SV2C: variants seen among roughly 807,000 people sequenced by gnomAD.
SV2C encodes solute carrier family 22 member B3.
In SV2C, 49 loss-of-function variants were observed where a neutral mutation model predicts 79.7. The observed-to-expected ratio is 0.61, with a 90% CI of 0.49 to 0.78. The LOEUF (loss-of-function observed/expected upper bound fraction) is 0.78, where lower values mean the gene tolerates loss of function less well. Ranked by LOEUF, SV2C falls within the 30% of genes least tolerant of loss-of-function variation. The pLI, the probability that SV2C is intolerant of heterozygous loss-of-function variation, is 0.00. For synonymous variants in SV2C, 334 were observed against 333.2 expected, an observed-to-expected ratio of 1.00 and a Z score of -0.03; for missense variants, 833 against 912.9, an observed-to-expected ratio of 0.91 and a Z score of 1.13.
chr5:76,140,663 T>C (rs1242594983), intron 2 of SV2C, among the ~76,000 whole-genome samples: 1 of 152,090 alleles, frequency 6.6e-6, no homozygotes. Context: ...GCTGATGACA[T>C]AGAGGGACAC....
Position 76,209,857 on chromosome 5 carries a change from G to C in SV2C, c.883G>C (p.Ala295Pro). ...GATGATCGGTGGCATCTACGCCTCT[G>C]CCATGGCCTGGGCCATCATCCCGCA... ...FWMIGGIYAS[A>P]MAWAIIPHYG... The change falls in exon 4 of 13, where the codon GCC becomes CCC. Residue 295 changes from alanine (A) to proline (P), a missense_variant. Physicochemically the swap from Ala to Pro is conservative, Grantham distance 27. Coordinates refer to ENST00000502798, the MANE Select transcript of SV2C (RefSeq NM_014979.4). 6.2e-7 allele frequency: 1 copy of C among 1,613,992 alleles called. No individual in the cohort carries two copies. The highest frequency in any genetic ancestry group is 8.5e-7 in the Non-Finnish European group (1 of 1,179,928).
At chr5:76,210,429 C>T (rs1010932555) in intron 4 of SV2C, among the ~76,000 whole-genome samples, 9 of 152,210 alleles carry the variant, frequency 5.9e-5, no homozygotes, top group Non-Finnish European at 1.2e-4. Flanking sequence ...AAACAACTCT[C>T]ATTCACCAGT....
At chr5:75,897,907 T>C in the SV2C span, among the ~76,000 whole-genome samples, 1,008 of 152,038 alleles carry the variant, frequency 6.6e-3, 5 homozygotes, top group African/African-American at 9.7e-3. Context: ...GTGATTTTTG[T>C]ACATTGATTT....
intron 4 of SV2C, among the ~76,000 whole-genome samples, chr5:76,284,926 C>A (rs1235279288): frequency 6.6e-6 from 1 of 152,172 alleles, no homozygotes; most frequent in East Asian, 1.9e-4. Context: ...TACATGCATA[C>A]CTGCACCCCC....
rs115168485 is a variant in SV2C at position 76,273,799 on chromosome 5, C to T, written c.914-11363C>T. On this transcript the variant is annotated intron_variant, in intron 4 of 12. Transcript: ENST00000502798. Reference sequence around the variant, plus strand: ...GGGATGTATAATTGGCTCTCACTTCCTGAATGCATGATTATGTGCTGCAGG... The same window carrying T: ...GGGATGTATAATTGGCTCTCACTTCTTGAATGCATGATTATGTGCTGCAGG... Among the ~76,000 whole-genome samples the T allele has an allele frequency of 3.3e-3, 504 of 152,306 alleles. 4 individuals are homozygous for T. Among genetic ancestry groups the T allele is most frequent in the African/African-American group, 0.011 (478 of 41,570 alleles).
the SV2C span, among the ~76,000 whole-genome samples, chr5:75,931,754 G>A: frequency 2.6e-5 from 4 of 152,128 alleles, no homozygotes; most frequent in African/African-American, 9.7e-5. Context: ...AATATTGATT[G>A]GGTTCTTTTG....
the SV2C span, among the ~76,000 whole-genome samples, chr5:76,038,699 A>C: frequency 6.6e-6 from 1 of 152,252 alleles, no homozygotes; most frequent in African/African-American, 2.4e-5. Context: ...AATGTTCTCA[A>C]TATACCCTGA....
intron 4 of SV2C, among the ~76,000 whole-genome samples, chr5:76,249,482 G>T (rs1326303477): frequency 1.3e-5 from 2 of 152,104 alleles, no homozygotes; most frequent in East Asian, 3.8e-4. Flanking sequence ...TTCAACATTG[G>T]CTTTGGAAAA....
At chr5:76,075,212 T>G in the SV2C span, among the ~76,000 whole-genome samples, 1 of 152,194 alleles carries the variant, frequency 6.6e-6, no homozygotes, top group Non-Finnish European at 1.5e-5. Context: ...ATATGTCACA[T>G]TCAAGCAAAT....
chr5:75,901,242 G>T, the SV2C span, among the ~76,000 whole-genome samples: 1 of 152,122 alleles, frequency 6.6e-6, no homozygotes, highest in East Asian at 1.9e-4. Context: ...TTTGATGATG[G>T]TGATGTACAG....
chr5:75,907,651 C>T, the SV2C span, among the ~76,000 whole-genome samples: 3 of 152,130 alleles, frequency 2.0e-5, no homozygotes, highest in Admixed American at 6.5e-5. Flanking sequence ...GAAATGTCAG[C>T]TAGTGGCTAC....
At chr5:75,975,398 A>G in the SV2C span, among the ~76,000 whole-genome samples, 1 of 152,202 alleles carries the variant, frequency 6.6e-6, no homozygotes, top group African/African-American at 2.4e-5. Flanking sequence ...AAATGACCAC[A>G]TCTGTCAAAA....
At chr5:75,967,657 TAAAC>T in the SV2C span, among the ~76,000 whole-genome samples, 12 of 152,122 alleles carry the variant, frequency 7.9e-5, no homozygotes, top group Admixed American at 2.6e-4. Flanking sequence ...CTTCAGTAGA[TAAAC>T]AAAGTGGCCA....
At chr5:75,988,595 GC>G in the SV2C span, among the ~76,000 whole-genome samples, 2 of 151,906 alleles carry the variant, frequency 1.3e-5, no homozygotes, top group Non-Finnish European at 2.9e-5. Flanking sequence ...ACTGGAGAAA[GC>G]CACTGACTCT....
chr5:76,093,540 T>C (rs1747447821), intron 1 of SV2C, among the ~76,000 whole-genome samples: 1 of 152,214 alleles, frequency 6.6e-6, no homozygotes, highest in African/African-American at 2.4e-5. Context: ...CTCCATGCCT[T>C]GTCCAGAATT....
intron 12 of SV2C, among the ~76,000 whole-genome samples, chr5:76,309,190 G>T (rs1236101024): frequency 6.6e-6 from 1 of 152,192 alleles, no homozygotes. Flanking sequence ...GCCTTATTGT[G>T]TGGGGACGGG....
chr5:76,020,629 C>T, the SV2C span, among the ~76,000 whole-genome samples: 2 of 152,116 alleles, frequency 1.3e-5, no homozygotes, highest in Admixed American at 6.6e-5. Flanking sequence ...TTTGCAAGGA[C>T]CTGATGGTTG....
At chr5:76,120,900 G>A (rs1748469335) in intron 1 of SV2C, among the ~76,000 whole-genome samples, 1 of 151,122 alleles carries the variant, frequency 6.6e-6, no homozygotes, top group African/African-American at 2.5e-5. Context: ...GGATGGCTGG[G>A]TCAAATGGTA....
the SV2C span, among the ~76,000 whole-genome samples, chr5:75,895,191 G>A: frequency 1.3e-5 from 2 of 152,034 alleles, no homozygotes; most frequent in Admixed American, 1.3e-4. Flanking sequence ...AAAAATATCT[G>A]ATTTCCAGAG....
Sources: allele counts gnomAD v4.1 joint callset (sites outside exome capture counted in the v4.1 genomes callset), GRCh38; gene constraint gnomAD v4.1.1; transcripts MANE v1.5; gene names NCBI Gene and HGNC (gene_info 2026-07-23, HGNC 2026-07-21).